GLYR1: variants seen among roughly 807,000 people sequenced by gnomAD.
The protein encoded by GLYR1 is cytokine-like nuclear factor N-PAC.
Under a neutral mutation model 72.7 loss-of-function variants are expected in GLYR1, and 21 were observed. That is an observed-to-expected ratio of 0.29 (90% CI 0.20 to 0.42). The LOEUF (loss-of-function observed/expected upper bound fraction) is 0.42. Ranked by LOEUF, GLYR1 falls within the 10% of genes least tolerant of loss-of-function variation. The probability of loss-of-function intolerance (pLI) is 1.00; values close to 1 mark genes in which losing one functional copy is unlikely to be tolerated. For synonymous variants in GLYR1, 392 were observed against 270.2 expected, an observed-to-expected ratio of 1.45 and a Z score of -4.42; for missense variants, 594 against 712.1, an observed-to-expected ratio of 0.83 and a Z score of 1.89.
intron 3 of GLYR1, among the ~76,000 whole-genome samples, chr16:4,836,967 C>G (rs1471992550): frequency 6.6e-6 from 1 of 152,176 alleles, no homozygotes; most frequent in Non-Finnish European, 1.5e-5. Flanking sequence ...ATAACTGCAC[C>G]TGTAACACAG....
At chr16:4,834,601 G>A (rs2085016967) in intron 3 of GLYR1, among the ~76,000 whole-genome samples, 2 of 152,048 alleles carry the variant, frequency 1.3e-5, no homozygotes, top group African/African-American at 2.4e-5. Flanking sequence ...GAGTTGCTGG[G>A]ACTACAGGTA....
At chr16:4,845,948 A>C (rs114949491) in intron 2 of GLYR1, among the ~76,000 whole-genome samples, 60 of 152,360 alleles carry the variant, frequency 3.9e-4, no homozygotes, top group African/African-American at 1.3e-3. Flanking sequence ...GAAACTTCAT[A>C]AACCTCCTCT....
At chr16:4,822,240 C>T (rs551996295) in intron 7 of GLYR1, among the ~76,000 whole-genome samples, 8 of 152,200 alleles carry the variant, frequency 5.3e-5, no homozygotes, top group Non-Finnish European at 7.3e-5. Context: ...GAATGCACCA[C>T]CATGCCCAGC....
chr16:4,842,072 T>C (rs1043896110), intron 3 of GLYR1, among the ~76,000 whole-genome samples: 6 of 151,912 alleles, frequency 3.9e-5, no homozygotes, highest in Non-Finnish European at 5.9e-5. Context: ...AAACCCTGCC[T>C]CTACTGAAAA....
At chr16:4,838,450 C>T (rs180733023) in intron 3 of GLYR1, among the ~76,000 whole-genome samples, 9 of 152,254 alleles carry the variant, frequency 5.9e-5, no homozygotes, top group African/African-American at 2.2e-4. Context: ...TATGGAAACT[C>T]GCAGGTAGGC....
intron 3 of GLYR1, among the ~76,000 whole-genome samples, chr16:4,839,045 C>T (rs576024629): frequency 6.6e-6 from 1 of 152,272 alleles, no homozygotes; most frequent in South Asian, 2.1e-4. Flanking sequence ...TGCTACTACG[C>T]ATGAACCCTC....
chr16:4,823,742 C>CAAAA (rs34966439), intron 6 of GLYR1, 79 bp downstream of exon 6: 42 of 776,948 alleles, frequency 5.4e-5, no homozygotes, highest in Admixed American at 1.4e-4. Flanking sequence ...AAGAAAGGGA[C>CAAAA]AAAAAAAAAA....
chr16:4,821,282 G>A (rs1423597428), intron 9 of GLYR1, 98 bp downstream of exon 9: 4 of 1,195,456 alleles, frequency 3.3e-6, no homozygotes, highest in African/African-American at 1.5e-5. Flanking sequence ...TGCCAGCAAT[G>A]GCTGGGACAC....
chr16:4,834,786 A>C (rs1472429627), intron 3 of GLYR1, among the ~76,000 whole-genome samples: 1 of 152,094 alleles, frequency 6.6e-6, no homozygotes, highest in East Asian at 1.9e-4. Flanking sequence ...ACTCATCTTA[A>C]AGTTTGAAAT....
chr16:4,838,632 G>A (rs1370079790), intron 3 of GLYR1, among the ~76,000 whole-genome samples: 4 of 151,696 alleles, frequency 2.6e-5, no homozygotes, highest in Admixed American at 2.0e-4. Context: ...TGTTGCCCAG[G>A]CTGGAGTGCA....
chr16:4,809,201 T>C (rs2083181611), intron 15 of GLYR1, among the ~76,000 whole-genome samples: 1 of 141,982 alleles, frequency 7.0e-6, no homozygotes, highest in African/African-American at 2.5e-5. Context: ...TTTTTTTTTT[T>C]TTTTTTGCGA....
chr16:4,846,096 C>T, intron 2 of GLYR1, 78 bp downstream of exon 2: 1 of 1,480,040 alleles, frequency 6.8e-7, no homozygotes, highest in South Asian at 1.1e-5. Context: ...ATACTAGAAA[C>T]TGAGAGGAAT....
intron 3 of GLYR1, chr16:4,843,382 T>C: frequency 1.2e-6 from 1 of 851,014 alleles, no homozygotes; most frequent in Non-Finnish European, 1.5e-6. Context: ...CTCGAACTCA[T>C]GACCTCCAGT....
chr16:4,823,890 C>T lies in GLYR1; in HGVS notation c.555G>A (p.Glu185=), dbSNP rs1297387415. The T allele has an allele frequency of 1.1e-5, 17 of 1,613,954 alleles. No homozygotes were observed. The highest frequency in any genetic ancestry group is 1.4e-5 in the Non-Finnish European group (16 of 1,180,000). Residue 185 remains glutamate, a synonymous_variant, in exon 6 of 16, where the codon GAG becomes GAA. Coordinates refer to ENST00000321919, the MANE Select transcript of GLYR1 (RefSeq NM_032569.4). ...CCATCATCCCCTTCACGGTACTAGA[C>T]TCCGGGATGGTGAGATCCTATAGAG... The part of the protein sequence containing the change: ...PKDEKDLTIP[E]SSTVKGMMAG...
chr16:4,824,719 C>T (rs893465924), intron 5 of GLYR1, among the ~76,000 whole-genome samples: 2 of 152,126 alleles, frequency 1.3e-5, no homozygotes, highest in Non-Finnish European at 2.9e-5. Context: ...AGAAGCTCCT[C>T]TTCATCGATG....
rs1199801172 is a variant in GLYR1, at chr16:4,817,646, C to T, written c.858G>A (p.Leu286=). 1 of 1,613,678 alleles carries T rather than the reference C, an allele frequency of 6.2e-7. No individual in the cohort carries two copies. The highest frequency in any genetic ancestry group is 1.3e-5 in the African/African-American group (1 of 74,904). ...GLMGSGIVSN[L]LKMGHTVTVW... ...CAGTCACTGTGTGACCCATTTTTAG[C>T]AAGTTGGAGACGATTCCACTTCCCA... The change falls in exon 10 of 16, where the codon TTG becomes TTA. Residue 286 remains leucine, a synonymous_variant. Transcript: ENST00000321919.
At chr16:4,846,950 T>C (rs2086170554) in intron 1 of GLYR1, 1 of 480,984 alleles carries the variant, frequency 2.1e-6, no homozygotes, top group Non-Finnish European at 3.7e-6. Context: ...GGCGGCTCCC[T>C]TCACGGGGGC....
At chr16:4,826,111 A>G (rs969529061) in intron 5 of GLYR1, among the ~76,000 whole-genome samples, 1 of 151,978 alleles carries the variant, frequency 6.6e-6, no homozygotes, top group Non-Finnish European at 1.5e-5. Flanking sequence ...GCAGTGACTC[A>G]ATTATGGCTC....
At chr16:4,814,006 G>A (rs959924789) in intron 11 of GLYR1, 168 bp from the exon 12 acceptor site, 8 of 504,818 alleles carry the variant, frequency 1.6e-5, no homozygotes, top group Non-Finnish European at 2.4e-5. Flanking sequence ...AGTACTTCCC[G>A]CATGCTCCCA....
Sources: allele counts gnomAD v4.1 joint callset (sites outside exome capture counted in the v4.1 genomes callset), GRCh38; gene constraint gnomAD v4.1.1; transcripts MANE v1.5; gene names NCBI Gene and HGNC (gene_info 2026-07-23, HGNC 2026-07-21).